The following PPP2R3B variants were observed in gnomAD, a reference collection of about 807,000 sequenced individuals.
PPP2R3B encodes protein phosphatase 2 regulatory subunit B''beta, also known as serine/threonine-protein phosphatase 2A regulatory subunit B'' subunit beta.
A neutral mutation model predicts 72.9 loss-of-function variants in PPP2R3B; 68 were observed. The observed-to-expected ratio is 0.93, with a 90% CI of 0.77 to 1.14. The LOEUF is 1.14. Ranked by LOEUF, PPP2R3B falls within the 50% of genes most tolerant of loss-of-function variation. The pLI, the probability that PPP2R3B is intolerant of heterozygous loss-of-function variation, is 0.00. For synonymous variants in PPP2R3B, 466 were observed against 375.8 expected, an observed-to-expected ratio of 1.24 and a Z score of -2.78; for missense variants, 1,018 against 842.0, an observed-to-expected ratio of 1.21 and a Z score of -2.59.
chrX:384,941 C>T (rs978568756), intron 1 of PPP2R3B, among the ~76,000 whole-genome samples: 5 of 137,704 alleles, frequency 3.6e-5, no homozygotes, highest in Admixed American at 7.9e-5. Flanking sequence ...GCTGAGATTG[C>T]ACCATTGCAT....
intron 1 of PPP2R3B, chrX:373,556 C>T (rs1287999130): frequency 3.8e-5 from 10 of 261,244 alleles, no homozygotes; most frequent in Non-Finnish European, 8.2e-5. Flanking sequence ...TCAGCCGCTT[C>T]TTGAACCGAG....
intron 1 of PPP2R3B, among the ~76,000 whole-genome samples, chrX:372,698 C>T (rs1037175068): frequency 1.1e-4 from 17 of 152,204 alleles, no homozygotes; most frequent in African/African-American, 2.7e-4. Context: ...GAGGCTCACG[C>T]CCCTACTCCC....
chrX:369,840 A>G (rs1237512356), intron 1 of PPP2R3B, among the ~76,000 whole-genome samples: 1 of 152,216 alleles, frequency 6.6e-6, no homozygotes, highest in Non-Finnish European at 1.5e-5. Context: ...CCGTGCCCCC[A>G]GGAGCCCCCG....
In PPP2R3B at chrX:364,523, AAAAAAAAAAAAC is replaced by A. The variant is rs1569405685; in HGVS notation, c.325-2945_325-2934del. ...ATCTCTACTAAAAAAAAAAAAAACA[AAAAAAAAAAAAC>A]AGAAAACAAAAAACAAAAAGAGTAT... On this transcript the variant is annotated intron_variant, in intron 1 of 12. Transcript: ENST00000390665. Among the ~76,000 whole-genome samples the A allele has an allele frequency of 5.9e-4, 85 of 143,342 alleles. 1 individual carries two copies. The East Asian group carries it at 0.014, about 24-fold the overall frequency. 94.0% of individuals were successfully genotyped at this position (143,342 alleles called of 152,430 possible).
chrX:372,510 G>A (rs1185183405), intron 1 of PPP2R3B, among the ~76,000 whole-genome samples: 1 of 152,164 alleles, frequency 6.6e-6, no homozygotes, highest in Non-Finnish European at 1.5e-5. Context: ...AGATTCGGCC[G>A]CAGCCAAACC....
chrX:350,658 A>G (rs776850940), intron 2 of PPP2R3B, among the ~76,000 whole-genome samples: 1 of 152,348 alleles, frequency 6.6e-6, no homozygotes, highest in East Asian at 1.9e-4. Context: ...GGTGGCAACA[A>G]GAACATGACA....
chrX:350,282 G>A (rs1447772874), intron 2 of PPP2R3B, among the ~76,000 whole-genome samples: 1 of 152,152 alleles, frequency 6.6e-6, no homozygotes, highest in Non-Finnish European at 1.5e-5. Flanking sequence ...GCCAAACAGC[G>A]GCCCCTCCTG....
intron 1 of PPP2R3B, among the ~76,000 whole-genome samples, chrX:363,623 C>T (rs1233539064): frequency 2.7e-4 from 30 of 109,182 alleles, no homozygotes; most frequent in Middle Eastern, 5.8e-3. Flanking sequence ...AATGCATCTC[C>T]CCGAGCCCAC....
At chrX:354,985 C>T (rs1020620651) in intron 2 of PPP2R3B, among the ~76,000 whole-genome samples, 8 of 152,328 alleles carry the variant, frequency 5.3e-5, no homozygotes, top group African/African-American at 1.7e-4. Context: ...GTGCTCTCCA[C>T]GGCTCTCCAG....
At chrX:364,132 C>G (rs986803859) in intron 1 of PPP2R3B, among the ~76,000 whole-genome samples, 6 of 152,338 alleles carry the variant, frequency 3.9e-5, no homozygotes, top group East Asian at 1.9e-4. Context: ...TTGCAGAGCT[C>G]TGGGGAAGAG....
At chrX:346,281 C>A in intron 5 of PPP2R3B, 21 bp from the exon 6 acceptor site, 1 of 1,552,556 alleles carries the variant, frequency 6.4e-7, no homozygotes, top group Non-Finnish European at 8.7e-7. Context: ...GCTGTCAGTG[C>A]GGTGGGTGCG....
intron 6 of PPP2R3B, 64 bp downstream of exon 6, chrX:346,110 A>T: frequency 1.4e-6 from 1 of 739,550 alleles, no homozygotes; most frequent in Non-Finnish European, 1.9e-6. Flanking sequence ...AGGGAAGGGA[A>T]GGGAGTGGAG....
At chrX:362,748 G>A (rs146156670) in intron 1 of PPP2R3B, among the ~76,000 whole-genome samples, 3,110 of 152,172 alleles carry the variant, frequency 0.02, 45 homozygotes, top group Non-Finnish European at 0.031. Flanking sequence ...CCAGGACTGG[G>A]TCCAAGCTCC....
At chrX:341,513 T>A in intron 8 of PPP2R3B, 117 bp from the exon 9 acceptor site, 1 of 1,063,390 alleles carries the variant, frequency 9.4e-7, no homozygotes, top group Non-Finnish European at 1.4e-6. Flanking sequence ...GCCCTCCTCC[T>A]GCCCCCCTCC....
chrX:376,401 G>C (rs1281290028), intron 1 of PPP2R3B, among the ~76,000 whole-genome samples: 1 of 152,170 alleles, frequency 6.6e-6, no homozygotes, highest in African/African-American at 2.4e-5. Flanking sequence ...TACACCGGAT[G>C]GGGGAGGGAC....
intron 2 of PPP2R3B, among the ~76,000 whole-genome samples, chrX:351,057 G>T (rs1369988182): frequency 6.6e-6 from 1 of 152,190 alleles, no homozygotes; most frequent in South Asian, 2.1e-4. Context: ...CCACAGCGGG[G>T]ATTGCAGTGC....
chrX:381,547 G>A (rs893121702), intron 1 of PPP2R3B, among the ~76,000 whole-genome samples: 26 of 150,958 alleles, frequency 1.7e-4, no homozygotes, highest in Non-Finnish European at 2.8e-4. Flanking sequence ...CACTGTTAAC[G>A]TGGCCTCGCG....
At chrX:386,174 A>G (rs1461591827) in intron 1 of PPP2R3B, among the ~76,000 whole-genome samples, 194 bp downstream of exon 1, 7 of 148,342 alleles carry the variant, frequency 4.7e-5, no homozygotes, top group African/African-American at 1.5e-4. Flanking sequence ...ACAACTGTCA[A>G]TGACGGAATG....
intron 7 of PPP2R3B, 68 bp downstream of exon 7, chrX:345,448 C>A (rs758130594): frequency 6.3e-7 from 1 of 1,597,906 alleles, no homozygotes; most frequent in Admixed American, 1.7e-5. Context: ...AGCTGCAGAC[C>A]CGCAGGCCCT....
Sources: gnomAD v4.1 joint callset for allele counts (sites outside exome capture counted in the v4.1 genomes callset) on GRCh38, gnomAD v4.1.1 for gene constraint, MANE v1.5 for transcripts, NCBI Gene and HGNC (gene_info 2026-07-23, HGNC 2026-07-21) for gene names.